The following LRP1B variants were observed in gnomAD, a reference collection of about 807,000 sequenced individuals.
LRP1B encodes the protein LDL receptor related protein 1B.
A neutral mutation model predicts 556.6 loss-of-function variants in LRP1B; 217 were observed. The observed-to-expected ratio is 0.39, with a 90% CI of 0.35 to 0.44. The LOEUF is 0.44. LRP1B is among the 20% of genes least tolerant of loss of function. LRP1B has a pLI of 1.00. For missense variants in LRP1B, 5,053 were observed against 5,620.8 expected, an observed-to-expected ratio of 0.90 and a Z score of 3.23; for synonymous variants, 2,047 against 1,865.8, an observed-to-expected ratio of 1.10 and a Z score of -2.50.
intron 1 of LRP1B, among the ~76,000 whole-genome samples, chr2:141,811,922 T>C (rs973781494): frequency 1.3e-4 from 19 of 151,976 alleles, no homozygotes; most frequent in Admixed American, 2.0e-4. Context: ...AATAAAAAAA[T>C]AGTTTTGGGA....
chr2:141,201,449 C>T (rs1260641311), intron 6 of LRP1B, among the ~76,000 whole-genome samples: 2 of 152,064 alleles, frequency 1.3e-5, no homozygotes, highest in African/African-American at 2.4e-5. Context: ...TGTTCCTATC[C>T]TCTAGGAAAG....
At chr2:140,483,967 T>C (rs1032041599) in intron 59 of LRP1B, among the ~76,000 whole-genome samples, 1 of 152,056 alleles carries the variant, frequency 6.6e-6, no homozygotes, top group African/African-American at 2.4e-5. Context: ...AACTTTCTTA[T>C]AAAATATCCA....
chr2:142,127,592 A>G (rs1482635892), intron 1 of LRP1B, among the ~76,000 whole-genome samples: 2 of 152,004 alleles, frequency 1.3e-5, no homozygotes, highest in African/African-American at 4.8e-5. Context: ...AAAGAGAACA[A>G]ATTCAAAGAT....
At chr2:140,957,333 ATGTT>A (rs1286374113) in intron 18 of LRP1B, among the ~76,000 whole-genome samples, 7 of 151,614 alleles carry the variant, frequency 4.6e-5, no homozygotes, top group African/African-American at 1.7e-4. Flanking sequence ...GGTATATACA[ATGTT>A]TGAGAAAATG....
At chr2:141,326,570 C>T (rs1687437814) in intron 3 of LRP1B, among the ~76,000 whole-genome samples, 1 of 152,064 alleles carries the variant, frequency 6.6e-6, no homozygotes, top group Non-Finnish European at 1.5e-5. Context: ...ACCAGTGGTT[C>T]CCAACCGATG....
chr2:141,040,487 C>T (rs2105430693), intron 11 of LRP1B, among the ~76,000 whole-genome samples: 1 of 152,082 alleles, frequency 6.6e-6, no homozygotes, highest in Middle Eastern at 3.4e-3. Flanking sequence ...GATAATCCTA[C>T]TATAAGGTCA....
chr2:141,209,852 AG>A (rs1682466815), intron 6 of LRP1B, among the ~76,000 whole-genome samples: 1 of 152,210 alleles, frequency 6.6e-6, no homozygotes, highest in African/African-American at 2.4e-5. Context: ...TTATAAGGAA[AG>A]CAAGTACAAG....
At chr2:140,605,868 A>G (rs1314258961) in intron 41 of LRP1B, among the ~76,000 whole-genome samples, 4 of 152,126 alleles carry the variant, frequency 2.6e-5, no homozygotes, top group Non-Finnish European at 5.9e-5. Context: ...TGATAAAAGG[A>G]ATACCAAAAC....
intron 2 of LRP1B, among the ~76,000 whole-genome samples, chr2:141,524,839 G>A (rs1684642230): frequency 1.3e-5 from 2 of 148,332 alleles, no homozygotes; most frequent in South Asian, 4.3e-4. Context: ...TTATGGCTAT[G>A]CAAAAAAAAA....
chr2:141,733,721 C>A (rs1693363625), intron 2 of LRP1B, among the ~76,000 whole-genome samples: 1 of 152,094 alleles, frequency 6.6e-6, no homozygotes, highest in Non-Finnish European at 1.5e-5. Context: ...CTTTTCACAA[C>A]TCCATGCTTT....
intron 3 of LRP1B, among the ~76,000 whole-genome samples, chr2:141,357,406 T>A (rs1043275900): frequency 6.6e-6 from 1 of 152,190 alleles, no homozygotes; most frequent in African/African-American, 2.4e-5. Flanking sequence ...TATTTTTGTT[T>A]CAAAATGTGA....
intron 1 of LRP1B, among the ~76,000 whole-genome samples, chr2:141,992,218 A>T (rs1392340828): frequency 6.6e-6 from 1 of 152,130 alleles, no homozygotes; most frequent in Non-Finnish European, 1.5e-5. Context: ...GAGCCCACAG[A>T]TACAGAGAAC....
At chr2:141,727,306 T>C (rs1275594195) in intron 2 of LRP1B, among the ~76,000 whole-genome samples, 2 of 152,110 alleles carry the variant, frequency 1.3e-5, no homozygotes, top group Non-Finnish European at 2.9e-5. Flanking sequence ...CAGAAACATA[T>C]TAAATAATTG....
At chr2:141,745,677 T>G (rs1693888792) in intron 2 of LRP1B, among the ~76,000 whole-genome samples, 1 of 151,778 alleles carries the variant, frequency 6.6e-6, no homozygotes, top group Non-Finnish European at 1.5e-5. Flanking sequence ...CCTCCCCAAC[T>G]GTGGTTAATT....
intron 1 of LRP1B, among the ~76,000 whole-genome samples, chr2:141,996,650 G>GC (rs1417955167): frequency 1.3e-5 from 2 of 151,888 alleles, no homozygotes; most frequent in African/African-American, 4.8e-5. Flanking sequence ...TTCTCAGCTC[G>GC]ACCATGTGGA....
chr2:141,213,965 A>G (rs1201863513), intron 6 of LRP1B, among the ~76,000 whole-genome samples: 2 of 152,160 alleles, frequency 1.3e-5, no homozygotes, highest in East Asian at 3.9e-4. Flanking sequence ...TTATACTACC[A>G]AATACAATGT....
intron 6 of LRP1B, among the ~76,000 whole-genome samples, chr2:141,223,974 C>T (rs1013616095): frequency 1.2e-4 from 18 of 152,116 alleles, no homozygotes; most frequent in African/African-American, 4.3e-4. Context: ...TAGGCACGGG[C>T]AAAGATTTCC....
chr2:140,615,975 T>C (rs2105237480), intron 41 of LRP1B, among the ~76,000 whole-genome samples: 1 of 152,200 alleles, frequency 6.6e-6, no homozygotes. Context: ...GTAGTGAGTG[T>C]ATCTTACGTT....
At chr2:141,376,513 T>A (rs1689443022) in intron 3 of LRP1B, among the ~76,000 whole-genome samples, 1 of 152,176 alleles carries the variant, frequency 6.6e-6, no homozygotes, top group Non-Finnish European at 1.5e-5. Flanking sequence ...CTACTTACTA[T>A]TCGCATTCTT....
Sources: allele counts gnomAD v4.1 joint callset (sites outside exome capture counted in the v4.1 genomes callset), GRCh38; gene constraint gnomAD v4.1.1; transcripts MANE v1.5; gene names NCBI Gene and HGNC (gene_info 2026-07-23, HGNC 2026-07-21).